Variants in ADAMTS18 observed in about 807,000 individuals in gnomAD.
The protein encoded by ADAMTS18 is A disintegrin and metalloproteinase with thrombospondin motifs 18.
In ADAMTS18, 157 loss-of-function variants were observed where a neutral mutation model predicts 165.9. The ratio of observed to expected loss-of-function variants is 0.95; its 90% CI spans 0.83 to 1.08. The LOEUF (loss-of-function observed/expected upper bound fraction) is 1.08, where lower values mean the gene tolerates loss of function less well. ADAMTS18 is among the 50% of genes least tolerant of loss of function. The probability of loss-of-function intolerance (pLI) is 0.00; values close to 1 mark genes in which losing one functional copy is unlikely to be tolerated. For missense variants in ADAMTS18, 2,040 were observed against 1,534.0 expected, an observed-to-expected ratio of 1.33 and a Z score of -5.51; for synonymous variants, 782 against 578.2, an observed-to-expected ratio of 1.35 and a Z score of -5.06.
At chr16:77,397,606 G>C (rs937849998) in intron 3 of ADAMTS18, among the ~76,000 whole-genome samples, 2 of 152,190 alleles carry the variant, frequency 1.3e-5, no homozygotes, top group South Asian at 4.1e-4. Context: ...CCACTATACA[G>C]AGCATGAGAA....
At chr16:77,299,741 C>G (rs535766752) in intron 17 of ADAMTS18, among the ~76,000 whole-genome samples, 2 of 152,212 alleles carry the variant, frequency 1.3e-5, no homozygotes, top group Non-Finnish European at 2.9e-5. Flanking sequence ...TCCTTCCTTG[C>G]AAGGGTTGTC....
chr16:77,420,029 C>T (rs1376963010), intron 3 of ADAMTS18, among the ~76,000 whole-genome samples: 1 of 127,322 alleles, frequency 7.9e-6, no homozygotes, highest in Non-Finnish European at 1.7e-5. Context: ...AAAAAGACAT[C>T]GACCTCCTAC....
chr16:77,353,544 A>G (rs1206985665), intron 10 of ADAMTS18, among the ~76,000 whole-genome samples, 189 bp downstream of exon 10: 1 of 152,232 alleles, frequency 6.6e-6, no homozygotes, highest in Non-Finnish European at 1.5e-5. Flanking sequence ...GGCATGGTCT[A>G]TGTGGATAGG....
In ADAMTS18 at chr16:77,434,780, G is replaced by T. The variant is rs1351965233; in HGVS notation, c.-85C>A. ...GGCGCGCATTCTTTCCGCGGCCCCG[G>T]AGCTCGGCGCCCCAGGTGCGGCTCC... On this transcript the variant is annotated 5_prime_UTR_variant, in exon 1 of 23. Transcript: ENST00000282849. 5.1e-6 allele frequency: 6 copies of T among 1,178,204 alleles called. No homozygotes were observed. The highest frequency in any genetic ancestry group is 6.6e-6 in the Non-Finnish European group (6 of 915,780). 73.0% of individuals were successfully genotyped at this position (1,178,204 alleles called of 1,614,324 possible). A position where few individuals can be genotyped will look rare whatever the true frequency, so the allele number is the denominator to read the frequency against.
intron 3 of ADAMTS18, among the ~76,000 whole-genome samples, chr16:77,396,619 G>A (rs1157531436): frequency 3.3e-5 from 5 of 152,188 alleles, no homozygotes; most frequent in Non-Finnish European, 7.4e-5. Context: ...AACCTGCAGA[G>A]AGGAAGTTCA....
chr16:77,367,504 G>C lies in ADAMTS18; in HGVS notation c.715C>G (p.Arg239Gly), dbSNP rs201395115. Residue 239 changes from arginine (R) to glycine (G), a missense_variant, in exon 4 of 23, where the codon CGA becomes GGA. Transcript: ENST00000282849. ...CTTCGATGGTGATACTCTGTCTCTC[G>C]ACTCTGAGATGCATGGGGAATGTGA... Reference protein sequence around the residue: ...PSHIPHASQSRETEYHHRRLQ... With the variant: ...PSHIPHASQSGETEYHHRRLQ... 5.0e-6 allele frequency: 8 copies of C among 1,614,058 alleles called. No individual in the cohort carries two copies. The African/African-American group carries it at 8.0e-5, about 16-fold the overall frequency.
intron 22 of ADAMTS18, among the ~76,000 whole-genome samples, chr16:77,286,837 T>C (rs1295352739): frequency 6.6e-6 from 1 of 152,212 alleles, no homozygotes; most frequent in African/African-American, 2.4e-5. Context: ...GTGGTATGAC[T>C]GCTTTAGGGC....
At chr16:77,303,476 A>T (rs1282749352) in intron 16 of ADAMTS18, among the ~76,000 whole-genome samples, 1 of 152,134 alleles carries the variant, frequency 6.6e-6, no homozygotes, top group Non-Finnish European at 1.5e-5. Flanking sequence ...GCCATTTTAG[A>T]CTTCTCTTTT....
At chr16:77,287,233 T>C (rs903750050) in intron 22 of ADAMTS18, among the ~76,000 whole-genome samples, 1 of 152,190 alleles carries the variant, frequency 6.6e-6, no homozygotes, top group African/African-American at 2.4e-5. Flanking sequence ...CGGAATCTTC[T>C]TCCGTCACCA....
intron 15 of ADAMTS18, 79 bp from the exon 16 acceptor site, chr16:77,320,172 G>A: frequency 6.4e-7 from 1 of 1,559,588 alleles, no homozygotes. Flanking sequence ...CCGACATGTA[G>A]TGTTCAGTTT....
At chr16:77,416,388 AT>A (rs902056563) in intron 3 of ADAMTS18, among the ~76,000 whole-genome samples, 2 of 152,164 alleles carry the variant, frequency 1.3e-5, no homozygotes, top group Non-Finnish European at 2.9e-5. Context: ...CCCTACCCAA[AT>A]GTCACCTTGA....
chr16:77,334,581 TTATAGTA>T (rs1205957638), intron 12 of ADAMTS18, among the ~76,000 whole-genome samples: 1 of 111,638 alleles, frequency 9.0e-6, no homozygotes, highest in African/African-American at 3.7e-5. Context: ...ATAGTATATA[TTATAGTA>T]TATAGTATAT....
intron 22 of ADAMTS18, among the ~76,000 whole-genome samples, chr16:77,288,597 A>T (rs1290582655): frequency 6.6e-6 from 1 of 152,130 alleles, no homozygotes; most frequent in Non-Finnish European, 1.5e-5. Flanking sequence ...GTCCTAGGGC[A>T]ATACATATTC....
chr16:77,284,094 G>T, intron 22 of ADAMTS18, 23 bp from the exon 23 acceptor site: 1 of 1,502,750 alleles, frequency 6.7e-7, no homozygotes, highest in Non-Finnish European at 9.3e-7. Flanking sequence ...AATATATTTA[G>T]CATGTTGGCT....
Position 77,300,410 on chromosome 16 carries a change from C to G in ADAMTS18, c.2533-6G>C, listed in dbSNP as rs1247249232. 22 of 1,613,854 alleles carry G rather than the reference C, an allele frequency of 1.4e-5. No homozygotes were observed. Among genetic ancestry groups the G allele is most frequent in the African/African-American group, 1.2e-4 (9 of 74,880 alleles). ...TTTTTGCCTTGCATCAGAATCTGGA[C>G]AGTGTAAGATAAAAATCAGAGATCA... On this transcript the variant is annotated splice_region_variant and splice_polypyrimidine_tract_variant and intron_variant, in intron 16 of 22. Coordinates refer to ENST00000282849, the MANE Select transcript of ADAMTS18 (RefSeq NM_199355.4).
chr16:77,306,772 G>A (rs939363965), intron 16 of ADAMTS18, among the ~76,000 whole-genome samples: 1 of 152,108 alleles, frequency 6.6e-6, no homozygotes, highest in Admixed American at 6.6e-5. Context: ...AATTGATAAC[G>A]ACATTAAGAA....
chr16:77,406,383 A>G (rs372100348), intron 3 of ADAMTS18, among the ~76,000 whole-genome samples: 3 of 152,206 alleles, frequency 2.0e-5, no homozygotes, highest in Middle Eastern at 3.2e-3. Flanking sequence ...AACATCATGT[A>G]TAATAGTGAA....
intron 6 of ADAMTS18, 120 bp from the exon 7 acceptor site, chr16:77,362,384 T>C (rs772327244): frequency 2.5e-5 from 28 of 1,116,392 alleles, no homozygotes; most frequent in Non-Finnish European, 3.4e-5. Flanking sequence ...CAGTAAACAC[T>C]TGAGCTAAGG....
chr16:77,382,011 C>G (rs2057037931), intron 3 of ADAMTS18, among the ~76,000 whole-genome samples: 1 of 152,106 alleles, frequency 6.6e-6, no homozygotes, highest in Admixed American at 6.5e-5. Flanking sequence ...CTTATTCTCT[C>G]TTTTGTGGGG....
Sources: gnomAD v4.1 joint callset for allele counts (sites outside exome capture counted in the v4.1 genomes callset) on GRCh38, gnomAD v4.1.1 for gene constraint, MANE v1.5 for transcripts, NCBI Gene and HGNC (gene_info 2026-07-23, HGNC 2026-07-21) for gene names.